The following CD320 variants were observed in gnomAD, a reference collection of about 807,000 sequenced individuals.
CD320 encodes CD320 molecule.
In CD320, 16 loss-of-function variants were observed where a neutral mutation model predicts 22.1. That is an observed-to-expected ratio of 0.73 (90% CI 0.49 to 1.10). The LOEUF is 1.10. CD320 is among the 50% of genes least tolerant of loss of function. The pLI, the probability that CD320 is intolerant of heterozygous loss-of-function variation, is 0.00. For missense variants in CD320, 388 were observed against 376.9 expected (o/e 1.03, Z -0.24); for synonymous variants, 188 against 167.8 (o/e 1.12, Z -0.93).
intron 1 of CD320, among the ~76,000 whole-genome samples, chr19:8,306,863 G>C (rs1970095706): frequency 6.6e-6 from 1 of 152,194 alleles, no homozygotes; most frequent in Non-Finnish European, 1.5e-5. Flanking sequence ...TCTGCAAAGT[G>C]GACAGTAGAG....
intron 3 of CD320, 112 bp from the exon 4 acceptor site, chr19:8,303,092 A>G: frequency 1.8e-6 from 1 of 559,216 alleles, no homozygotes; most frequent in Admixed American, 3.6e-5. Context: ...GGCTGGGTGA[A>G]GCTGACTGCC....
intron 1 of CD320, chr19:8,305,541 G>C: frequency 4.0e-6 from 1 of 250,036 alleles, no homozygotes; most frequent in South Asian, 4.7e-5. Context: ...CCCCGTCTCT[G>C]TTAAAAATAC....
intron 1 of CD320, among the ~76,000 whole-genome samples, chr19:8,306,559 T>C (rs773264223): frequency 2.0e-5 from 3 of 152,148 alleles, no homozygotes; most frequent in Non-Finnish European, 4.4e-5. Flanking sequence ...TGGCTTAGCT[T>C]CACTCTGCCA....
Position 8,302,591 on chromosome 19 carries a change from TTG to T in CD320, c.719_720del (p.Ala240GlufsTer132). On this transcript the variant is annotated frameshift_variant, in exon 5 of 5. Coordinates refer to ENST00000301458, the MANE Select transcript of CD320 (RefSeq NM_016579.4). LOFTEE classifies it low-confidence loss of function (END_TRUNC). ...GVIAAAAVLSASLVTATLLLL... is the reference protein window; with the variant it reads ...GVIAAAAVLSXSLVTATLLLL... The stretch of plus-strand genomic sequence containing the variant: ...AGGAGGAGGGTGGCGGTGACCAGGC[TTG>T]CACTGAGCACCGCTGTGGGGAACAG... 3 of 1,613,628 alleles carry T rather than the reference TTG, an allele frequency of 1.9e-6. No individual in the cohort carries two copies. Among genetic ancestry groups the T allele is most frequent in the Non-Finnish European group, 2.5e-6 (3 of 1,179,862 alleles).
chr19:8,303,850 C>CAT lies in CD320; in HGVS notation c.502+3_502+4dup. On this transcript the variant is annotated splice_donor_region_variant and intron_variant, in intron 3 of 4. Transcript: ENST00000301458. ...CGAGTCCACCCCAGCCCCGCAGGTG[C>CAT]ATACCACAGCCGAGCTCGTCGCTGG... 6.3e-7 allele frequency: 1 copy of CAT among 1,581,822 alleles called. No homozygotes were observed. Among genetic ancestry groups the CAT allele is most frequent in the Non-Finnish European group, 8.6e-7 (1 of 1,162,856 alleles).
chr19:8,305,010 C>G, intron 2 of CD320, 21 bp downstream of exon 2: 1 of 1,601,812 alleles, frequency 6.2e-7, no homozygotes, highest in East Asian at 2.2e-5. Flanking sequence ...GTAAGCCCCG[C>G]CAAGGGGCGT....
At chr19:8,303,704 C>G (rs181914912) in intron 3 of CD320, 151 bp downstream of exon 3, 5 of 646,530 alleles carry the variant, frequency 7.7e-6, no homozygotes, top group Admixed American at 2.3e-5. Flanking sequence ...CGTGAGCCAC[C>G]GGGCCCGGCC....
rs1304967880 is a variant in CD320 at position 8,308,318 on chromosome 19, C to T, written c.-28G>A. On this transcript the variant is annotated 5_prime_UTR_variant, in exon 1 of 5. Transcript: ENST00000301458. ...TGTCCCCACAGCGGCGCCGGCCACG[C>T]GCTGTCCAGACCGCTCTCTTATCCC... is the stretch of plus-strand genomic sequence containing the variant. 1 of 1,579,474 alleles carries T rather than the reference C, an allele frequency of 6.3e-7. No individual in the cohort carries two copies.
Position 8,302,897 on chromosome 19 carries a change from C to A in CD320, c.586G>T (p.Ala196Ser). 2 of 1,614,034 alleles carry A rather than the reference C, an allele frequency of 1.2e-6. No individual in the cohort carries two copies. Among genetic ancestry groups the A allele is most frequent in the Middle Eastern group, 3.3e-4 (2 of 6,062 alleles). ...TLESVTSLRN[A>S]TTMGPPVTLE... ...GTCACAGGGGGCCCCATGGTTGTGG[C>A]ATTCCTGAGAGAGGTGACACTCTCC... is the stretch of plus-strand genomic sequence containing the variant. The change falls in exon 4 of 5, where the codon GCC becomes TCC. Residue 196 changes from alanine (A) to serine (S), a missense_variant. Physicochemically the swap from Ala to Ser is moderately conservative, Grantham distance 99. Coordinates refer to ENST00000301458, the MANE Select transcript of CD320 (RefSeq NM_016579.4).
chr19:8,304,017 T>A lies in CD320; in HGVS notation c.340A>T (p.Ser114Cys), dbSNP rs775103018. Residue 114 changes from serine to cysteine, a missense_variant, in exon 3 of 5, where the codon AGT (serine) becomes TGT (cysteine). Transcript: ENST00000301458. Reference protein sequence around the residue: ...PGLPCPCTGVSDCSGGTDKKL... With the variant: ...PGLPCPCTGVCDCSGGTDKKL... ...TTGTCAGTTCCCCCAGAGCAGTCACTGACGCCGGTGCAGGGGCAGGGGAGG... is the reference window on the plus strand; with the variant it reads ...TTGTCAGTTCCCCCAGAGCAGTCACAGACGCCGGTGCAGGGGCAGGGGAGG... The A allele has an allele frequency of 1.3e-6, 2 of 1,566,240 alleles. No individual in the cohort carries two copies. Among genetic ancestry groups the A allele is most frequent in the African/African-American group, 2.7e-5 (2 of 73,714 alleles).
At position 8,308,162 on chromosome 19, in the gene CD320, A is replaced by G; in HGVS notation, c.129T>C (p.Ser43=). 1 of 1,545,998 alleles carries G rather than the reference A, an allele frequency of 6.5e-7. No individual in the cohort carries two copies. The highest frequency in any genetic ancestry group is 2.4e-5 in the East Asian group (1 of 41,016). Residue 43 remains serine, a synonymous_variant, in exon 1 of 5, where the codon TCT becomes TCC. Transcript: ENST00000301458. ...GGCGTCACTCACCTGCGGCCTGGGC[A>G]GAGGTCGGGGTGGAAAGCGGGCTCG... ...AAASPLSTPT[S]AQAAGPSSGS...
At chr19:8,303,411 C>T (rs1315413516) in intron 3 of CD320, among the ~76,000 whole-genome samples, 1 of 151,864 alleles carries the variant, frequency 6.6e-6, no homozygotes, top group Non-Finnish European at 1.5e-5. Context: ...GCCACCGTGC[C>T]CGGCCTTTTT....
In CD320 at chr19:8,305,097, C is replaced by T. The variant is rs748020753; in HGVS notation, c.202G>A (p.Val68Met). 1.3e-5 allele frequency: 21 copies of T among 1,613,018 alleles called. No individual in the cohort carries two copies. Among genetic ancestry groups the T allele is most frequent in the Non-Finnish European group, 1.7e-5 (20 of 1,179,898 alleles). ...CTGTCGCAGCGCCAGGTGAGGGGCA[C>T]GCATAAGCCACTGGTGCGGCACTGG... ...KFQCRTSGLC[V>M]PLTWRCDRDL... is the part of the protein sequence containing the mutation. The change falls in exon 2 of 5, where the codon GTG becomes ATG. Residue 68 changes from valine (V) to methionine (M), a missense_variant. Physicochemically the swap from Val to Met is conservative, Grantham distance 21. Coordinates refer to ENST00000301458, the MANE Select transcript of CD320 (RefSeq NM_016579.4).
chr19:8,302,937 C>A lies in CD320; in HGVS notation c.546G>T (p.Gly182=), dbSNP rs202203481. The A allele has an allele frequency of 6.2e-7, 1 of 1,613,926 alleles. No homozygotes were observed. ...TGACACTCTCCAGGGTCACAGGGGG[C>A]CCCATGGTTGTGGCATCCCCTTCCG... ...ILPEGDATTM[G]PPVTLESVTS... The change falls in exon 4 of 5, where the codon GGG becomes GGT. Residue 182 remains glycine, a synonymous_variant. Transcript: ENST00000301458.
At chr19:8,307,431 A>G (rs1970107740) in intron 1 of CD320, among the ~76,000 whole-genome samples, 1 of 152,054 alleles carries the variant, frequency 6.6e-6, no homozygotes, top group African/African-American at 2.4e-5. Context: ...GGAATGCACA[A>G]AGGAGCTGGG....
At position 8,307,282 on chromosome 19, in the gene CD320, C is replaced by CAAAA. The variant is rs140780600; in HGVS notation, c.142+863_142+866dup. Among the ~76,000 whole-genome samples, 24 of 112,614 alleles carry CAAAA rather than the reference C, an allele frequency of 2.1e-4. 1 individual carries two copies. In the South Asian group the frequency reaches 6.6e-3, roughly 31 times the overall value. 73.9% of individuals were successfully genotyped at this position (112,614 alleles called of 152,430 possible). On this transcript the variant is annotated intron_variant, in intron 1 of 4. Transcript: ENST00000301458. Reference sequence around the variant, plus strand: ...CCAGCCAGGGCGACAGAGGGAGACTCAAAAAAAAAAAAACAAAAACTTTTG... The same window carrying CAAAA: ...CCAGCCAGGGCGACAGAGGGAGACTCAAAAAAAAAAAAAAAAACAAAAACTTTTG...
intron 2 of CD320, chr19:8,304,730 C>A: frequency 8.7e-6 from 3 of 346,072 alleles, no homozygotes; most frequent in Non-Finnish European, 1.1e-5. Context: ...GACAGTCTTA[C>A]TCTGTTGCCC....
chr19:8,307,800 A>G (rs2145382706), intron 1 of CD320, among the ~76,000 whole-genome samples: 1 of 152,232 alleles, frequency 6.6e-6, no homozygotes, highest in South Asian at 2.1e-4. Context: ...CTGCGTGATT[A>G]GCGGTCGGAC....
intron 3 of CD320, 106 bp from the exon 4 acceptor site, chr19:8,303,086 G>T: frequency 1.3e-6 from 1 of 747,406 alleles, no homozygotes; most frequent in Non-Finnish European, 2.2e-6. Context: ...CAACCAGGCT[G>T]GGTGAAGCTG....
Sources: gnomAD v4.1 joint callset for allele counts (sites outside exome capture counted in the v4.1 genomes callset) on GRCh38, gnomAD v4.1.1 for gene constraint, MANE v1.5 for transcripts, NCBI Gene and HGNC (gene_info 2026-07-23, HGNC 2026-07-21) for gene names.